TTLL11: variants seen among roughly 807,000 people sequenced by gnomAD.
TTLL11 encodes tubulin polyglutamylase TTLL11.
A neutral mutation model predicts 51.7 loss-of-function variants in TTLL11; 42 were observed. That is an observed-to-expected ratio of 0.81 (90% CI 0.64 to 1.05). The LOEUF (loss-of-function observed/expected upper bound fraction) is 1.05. TTLL11 is among the 50% of genes least tolerant of loss of function. The pLI is 0.00. For missense variants in TTLL11, 799 were observed against 940.4 expected (o/e 0.85, Z 1.97); for synonymous variants, 381 against 383.5 (o/e 0.99, Z 0.08).
chr9:122,027,459 C>T (rs184192303), intron 3 of TTLL11, among the ~76,000 whole-genome samples: 65 of 152,230 alleles, frequency 4.3e-4, no homozygotes, highest in Admixed American at 2.2e-3. Flanking sequence ...GGAGTGAATC[C>T]TGTACCAGAA....
At chr9:121,851,838 G>C (rs931713986) in intron 8 of TTLL11, among the ~76,000 whole-genome samples, 6 of 16,600 alleles carry the variant, frequency 3.6e-4, no homozygotes, top group Admixed American at 1.7e-3. Flanking sequence ...GAGGAGTGGT[G>C]GGGGGGAAGC....
At chr9:122,019,376 C>T (rs534010259) in intron 3 of TTLL11, among the ~76,000 whole-genome samples, 4 of 152,132 alleles carry the variant, frequency 2.6e-5, no homozygotes, top group Non-Finnish European at 4.4e-5. Context: ...AAGCGCTTTA[C>T]CTTGGCATTC....
chr9:122,045,898 A>T (rs903009806), intron 1 of TTLL11, among the ~76,000 whole-genome samples: 1 of 152,238 alleles, frequency 6.6e-6, no homozygotes, highest in Non-Finnish European at 1.5e-5. Flanking sequence ...TGAAGGGAAC[A>T]GAAATAGGGA....
intron 6 of TTLL11, among the ~76,000 whole-genome samples, chr9:121,917,514 A>G (rs1588123465): frequency 6.7e-6 from 1 of 148,540 alleles, no homozygotes; most frequent in Admixed American, 6.7e-5. Context: ...AGAAGGAGAG[A>G]GAGAAAGAAA....
intron 6 of TTLL11, among the ~76,000 whole-genome samples, chr9:121,908,392 G>T (rs1371749767): frequency 6.6e-6 from 1 of 152,120 alleles, no homozygotes; most frequent in Admixed American, 6.5e-5. Flanking sequence ...CGGGGCCAAG[G>T]CAGCATCATA....
At chr9:121,893,151 GT>G (rs1839320925) in intron 6 of TTLL11, among the ~76,000 whole-genome samples, 1 of 151,948 alleles carries the variant, frequency 6.6e-6, no homozygotes, top group African/African-American at 2.4e-5. Flanking sequence ...ATGCCTTTAA[GT>G]TTATTTCCTA....
chr9:121,903,837 T>C (rs577159789), intron 6 of TTLL11, among the ~76,000 whole-genome samples: 6 of 152,214 alleles, frequency 3.9e-5, no homozygotes, highest in Admixed American at 2.0e-4. Flanking sequence ...TTAAAAGGAT[T>C]AGGTAAATGT....
chr9:121,822,674 G>A lies in TTLL11; in HGVS notation c.2046C>T (p.Ser682=). ...TGTCCCCTGCTGGCTGGGCCGAGGG[G>A]GAGGGCTCCTGGGGAGGGCCACGGT... is the stretch of plus-strand genomic sequence containing the variant. ...PPHRGPPQEP[S]PSAQPAGDNP... is the part of the protein sequence containing the mutation. Residue 682 remains serine, a synonymous_variant, in exon 9 of 9, where the codon TCC becomes TCT. Coordinates refer to ENST00000321582, the MANE Select transcript of TTLL11 (RefSeq NM_001139442.2). This position sits in a 1 kb window ranked among gnomAD's most constrained non-coding sequence, Gnocchi z 5.8. 1 of 1,544,610 alleles carries A rather than the reference G, an allele frequency of 6.5e-7. No homozygotes were observed. The highest frequency in any genetic ancestry group is 8.7e-7 in the Non-Finnish European group (1 of 1,144,594).
At chr9:122,009,866 T>C in intron 3 of TTLL11, among the ~76,000 whole-genome samples, 1 of 152,084 alleles carries the variant, frequency 6.6e-6, no homozygotes, top group East Asian at 1.9e-4. Flanking sequence ...AAGGCTGATC[T>C]ATTTTCTTCT....
At position 122,086,168 on chromosome 9, in the gene TTLL11, G is replaced by A. The variant is rs530026978; in HGVS notation, c.462+6519C>T. Among the ~76,000 whole-genome samples, 6 of 152,240 alleles carry A rather than the reference G, an allele frequency of 3.9e-5. No homozygotes were observed. The South Asian group carries it at 6.2e-4, about 16-fold the overall frequency. On this transcript the variant is annotated intron_variant, in intron 1 of 8. Coordinates refer to ENST00000321582, the MANE Select transcript of TTLL11 (RefSeq NM_001139442.2). ...CACCTGCTTAAAAACACACAGACAC[G>A]ATTTTAATTTATAGGAGTTATAGAG...
intron 6 of TTLL11, among the ~76,000 whole-genome samples, chr9:121,970,479 G>C (rs1393908537): frequency 2.0e-5 from 3 of 152,206 alleles, no homozygotes; most frequent in African/African-American, 7.2e-5. Context: ...AAGGGCTCTT[G>C]AACTTCTTGC....
intron 6 of TTLL11, among the ~76,000 whole-genome samples, chr9:121,913,641 T>C (rs1446138175): frequency 6.6e-6 from 1 of 152,242 alleles, no homozygotes; most frequent in African/African-American, 2.4e-5. Flanking sequence ...GACTGTGTTT[T>C]TGGAAGCTTT....
At chr9:121,860,464 C>T (rs1351787806) in intron 7 of TTLL11, 21 bp from the exon 8 acceptor site, 1 of 1,542,956 alleles carries the variant, frequency 6.5e-7, no homozygotes, top group Admixed American at 2.0e-5. Flanking sequence ...TGGGAAGTGA[C>T]ATGTCACTGC....
chr9:121,883,152 C>T (rs1358331482), intron 6 of TTLL11, among the ~76,000 whole-genome samples: 1 of 152,126 alleles, frequency 6.6e-6, no homozygotes, highest in Non-Finnish European at 1.5e-5. Flanking sequence ...AAAAATACCA[C>T]ATTAATAATT....
At chr9:121,939,661 A>G (rs1841367168) in intron 6 of TTLL11, among the ~76,000 whole-genome samples, 1 of 152,210 alleles carries the variant, frequency 6.6e-6, no homozygotes, top group Non-Finnish European at 1.5e-5. Flanking sequence ...CATATTCATT[A>G]TATTGTTTTC....
intron 8 of TTLL11, among the ~76,000 whole-genome samples, chr9:121,831,048 G>A (rs1836988637): frequency 6.6e-6 from 1 of 152,200 alleles, no homozygotes. Flanking sequence ...GATATGGTCC[G>A]AGGGTAGTGC....
In TTLL11 at chr9:121,821,995, A is replaced by G. The variant is rs1836590850; in HGVS notation, c.*592T>C. 2 of 152,230 alleles carry G rather than the reference A, an allele frequency of 1.3e-5. No homozygotes were observed. Among genetic ancestry groups the G allele is most frequent in the Non-Finnish European group, 2.9e-5 (2 of 68,034 alleles). The allele number at this position is 152,230 out of a possible 1,614,324, so 9.4% of individuals were successfully genotyped here. On this transcript the variant is annotated 3_prime_UTR_variant, in exon 9 of 9. Coordinates refer to ENST00000321582, the MANE Select transcript of TTLL11 (RefSeq NM_001139442.2). The surrounding 1 kb of genome is among the most constrained non-coding windows in gnomAD (Gnocchi z 5.0). ...CTTCTTAATTAATTTTTTCTTAATT[A>G]ATAACAAACCAAATATTGCAGCAAC...
intron 6 of TTLL11, among the ~76,000 whole-genome samples, chr9:121,936,285 A>G (rs1391195104): frequency 6.7e-6 from 1 of 149,482 alleles, no homozygotes; most frequent in African/African-American, 2.5e-5. Flanking sequence ...TTTATTGGAG[A>G]CAGGGTCTCA....
intron 6 of TTLL11, among the ~76,000 whole-genome samples, chr9:121,902,092 T>C (rs1452394019): frequency 6.6e-6 from 1 of 152,094 alleles, no homozygotes; most frequent in Non-Finnish European, 1.5e-5. Flanking sequence ...TTTATAAAAA[T>C]AATATATATC....
Sources: allele counts gnomAD v4.1 joint callset (sites outside exome capture counted in the v4.1 genomes callset), GRCh38; gene constraint gnomAD v4.1.1; non-coding constraint Gnocchi (gnomAD v3.1); transcripts MANE v1.5; gene names NCBI Gene and HGNC (gene_info 2026-07-23, HGNC 2026-07-21).